Variants in MTUS1 observed in about 807,000 individuals in gnomAD.
MTUS1 encodes microtubule associated scaffold protein 1, also known as microtubule-associated tumor suppressor 1.
MTUS1 carries 109 observed loss-of-function variants against 120.8 expected under a neutral mutation model. The observed-to-expected ratio is 0.90, with a 90% CI of 0.77 to 1.06. MTUS1 has a LOEUF of 1.06. Among genes scored for constraint, MTUS1 ranks in the 50% least tolerant of loss-of-function variants. MTUS1 has a pLI of 0.00. For synonymous variants in MTUS1, 737 were observed against 550.5 expected, an observed-to-expected ratio of 1.34 and a Z score of -4.74; for missense variants, 2,210 against 1,486.3, an observed-to-expected ratio of 1.49 and a Z score of -8.01.
chr8:17,691,089 C>T (rs1404926073), intron 6 of MTUS1, among the ~76,000 whole-genome samples: 1 of 152,162 alleles, frequency 6.6e-6, no homozygotes. Flanking sequence ...TTGCCATATT[C>T]CTCCAGTGTC....
At chr8:17,789,905 G>C (rs1270766770) in intron 1 of MTUS1, among the ~76,000 whole-genome samples, 4 of 152,108 alleles carry the variant, frequency 2.6e-5, no homozygotes, top group Non-Finnish European at 5.9e-5. Context: ...TGAAACTGTG[G>C]TTTTGTGAGG....
At chr8:17,767,700 T>TAAGAAAAAAAAAAAAAAAAAA (rs1554533204) in intron 1 of MTUS1, among the ~76,000 whole-genome samples, 11 of 87,872 alleles carry the variant, frequency 1.3e-4, no homozygotes, top group African/African-American at 5.6e-4. Context: ...CCCTGTCTCT[T>TAAGAAAAAAAAAAAAAAAAAA]AAAAAAAAAA....
intron 8 of MTUS1, among the ~76,000 whole-genome samples, chr8:17,664,899 C>A (rs1810563973): frequency 6.6e-6 from 1 of 152,062 alleles, no homozygotes; most frequent in Admixed American, 6.5e-5. Context: ...GCTTTGTGGA[C>A]AGGCAGTGGC....
At chr8:17,713,085 G>A (rs1430582207) in intron 6 of MTUS1, 129 bp downstream of exon 6, 1 of 760,938 alleles carries the variant, frequency 1.3e-6, no homozygotes, top group Non-Finnish European at 2.3e-6. Flanking sequence ...GTCATAAAAA[G>A]TTAGGTTTAC....
In MTUS1 at chr8:17,755,573, C is replaced by G. The variant is rs905903746; in HGVS notation, c.235G>C (p.Val79Leu). ...CTAGAAGACTTTTCATGACCAAATA[C>G]TTCAACACCCTGAAGGCTTAAAGAA... The part of the protein sequence containing the change: ...NISLSLQGVE[V>L]FGHEKSSSDF... Residue 79 changes from valine to leucine, a missense_variant, in exon 2 of 15, where the codon GTA becomes CTA. By Grantham distance (32) the Val-to-Leu change is conservative. Transcript: ENST00000693296. 1.2e-6 allele frequency: 2 copies of G among 1,614,092 alleles called. No homozygotes were observed. The highest frequency in any genetic ancestry group is 1.7e-6 in the Non-Finnish European group (2 of 1,180,038).
chr8:17,723,421 C>A, intron 4 of MTUS1: 1 of 523,814 alleles, frequency 1.9e-6, no homozygotes, highest in Non-Finnish European at 3.5e-6. Flanking sequence ...CTTAAACCTC[C>A]AAAACACCAT....
intron 3 of MTUS1, among the ~76,000 whole-genome samples, chr8:17,729,063 G>A (rs1403509582): frequency 6.6e-6 from 1 of 152,188 alleles, no homozygotes; most frequent in Non-Finnish European, 1.5e-5. Context: ...TAAAATACGA[G>A]ACATGAGAAT....
At chr8:17,797,269 C>T (rs1444263582) in intron 1 of MTUS1, among the ~76,000 whole-genome samples, 1 of 152,036 alleles carries the variant, frequency 6.6e-6, no homozygotes, top group Admixed American at 6.6e-5. Flanking sequence ...AAAAATTAGC[C>T]AGGCATGGCG....
At chr8:17,760,051 C>CTT (rs1165288999) in intron 1 of MTUS1, among the ~76,000 whole-genome samples, 49 of 130,256 alleles carry the variant, frequency 3.8e-4, no homozygotes, top group African/African-American at 1.2e-3. Context: ...TCTACGATTT[C>CTT]TTTTCTTTTT....
chr8:17,702,876 A>G (rs1372565613), intron 6 of MTUS1, among the ~76,000 whole-genome samples: 2 of 152,216 alleles, frequency 1.3e-5, no homozygotes, highest in Non-Finnish European at 2.9e-5. Context: ...GCCACGGCAG[A>G]GGAAACATAA....
chr8:17,679,609 C>T (rs1180866593), intron 7 of MTUS1, among the ~76,000 whole-genome samples: 4 of 152,004 alleles, frequency 2.6e-5, no homozygotes, highest in Admixed American at 6.6e-5. Context: ...TCAAGCGATT[C>T]GTATGCCTCA....
At position 17,646,962 on chromosome 8, in the gene MTUS1, C is replaced by G. The variant is rs1442132425; in HGVS notation, c.3599+20G>C. On this transcript the variant is annotated intron_variant, in intron 14 of 14. Coordinates refer to ENST00000693296, the MANE Select transcript of MTUS1 (RefSeq NM_001363059.2). ...AAGGGAGCGGGGAGCTCGGGAGAAACAGCACTGTTTTATTTTTACCTTGAG... is the reference window on the plus strand; with the variant it reads ...AAGGGAGCGGGGAGCTCGGGAGAAAGAGCACTGTTTTATTTTTACCTTGAG... 5 of 1,589,946 alleles carry G rather than the reference C, an allele frequency of 3.1e-6. No homozygotes were observed. Among genetic ancestry groups the G allele is most frequent in the Admixed American group, 1.7e-5 (1 of 59,926 alleles).
chr8:17,724,076 C>T (rs1443361337), intron 3 of MTUS1: 1 of 571,898 alleles, frequency 1.7e-6, no homozygotes, highest in East Asian at 3.3e-5. Context: ...TAGGAGTAAC[C>T]CTGTCTCCTA....
chr8:17,724,044 G>A (rs762700380), intron 3 of MTUS1: 2 of 571,016 alleles, frequency 3.5e-6, no homozygotes, highest in East Asian at 6.0e-5. Context: ...GAAATGATGA[G>A]GCAATTAGGA....
At chr8:17,782,663 C>T (rs759270292) in intron 1 of MTUS1, among the ~76,000 whole-genome samples, 17 of 152,126 alleles carry the variant, frequency 1.1e-4, no homozygotes, top group Non-Finnish European at 5.9e-5. Context: ...AAAACTGATC[C>T]CTTTTCTTTA....
intron 4 of MTUS1, among the ~76,000 whole-genome samples, chr8:17,721,033 C>T (rs1268049228): frequency 6.6e-6 from 1 of 152,134 alleles, no homozygotes; most frequent in Non-Finnish European, 1.5e-5. Flanking sequence ...GTTCCGAGAA[C>T]CCAGTGCTAA....
chr8:17,709,136 C>CAAA (rs11462531), intron 6 of MTUS1, among the ~76,000 whole-genome samples: 1 of 137,584 alleles, frequency 7.3e-6, no homozygotes. Flanking sequence ...GACTCTGCCT[C>CAAA]AAAAAAAAAA....
rs369661944 is a variant in MTUS1, at chr8:17,657,425, G to A, written c.2906-1360C>T. Among the ~76,000 whole-genome samples the A allele has an allele frequency of 6.5e-3, 983 of 150,738 alleles. 10 individuals are homozygous for A. Among genetic ancestry groups the A allele is most frequent in the African/African-American group, 0.023 (924 of 41,012 alleles). The stretch of plus-strand genomic sequence containing the variant: ...CTACTAAAAATACAAAAAATTAGCC[G>A]GGCGTAGTGACGGGCGCCTGTAGTC... On this transcript the variant is annotated intron_variant, in intron 8 of 14. Transcript: ENST00000693296.
At chr8:17,766,681 G>C (rs1486958826) in intron 1 of MTUS1, among the ~76,000 whole-genome samples, 3 of 152,152 alleles carry the variant, frequency 2.0e-5, no homozygotes, top group Non-Finnish European at 4.4e-5. Flanking sequence ...TGTTGTTGTG[G>C]GGTCTGAGAA....
Sources: allele counts gnomAD v4.1 joint callset (sites outside exome capture counted in the v4.1 genomes callset), GRCh38; gene constraint gnomAD v4.1.1; transcripts MANE v1.5; gene names NCBI Gene and HGNC (gene_info 2026-07-23, HGNC 2026-07-21).